ABCC11: variants seen among roughly 807,000 people sequenced by gnomAD.
ABCC11 encodes the protein ATP binding cassette subfamily C member 11.
In ABCC11, 135 loss-of-function variants were observed where a neutral mutation model predicts 149.3. The observed-to-expected ratio is 0.90, with a 90% CI of 0.79 to 1.04. ABCC11 has a LOEUF of 1.04. Ranked by LOEUF, ABCC11 falls within the 50% of genes least tolerant of loss-of-function variation. The pLI is 0.00. For missense variants in ABCC11, 1,680 were observed against 1,722.1 expected (o/e 0.98, Z 0.43); for synonymous variants, 665 against 671.4 (o/e 0.99, Z 0.15).
Position 48,170,912 on chromosome 16 carries a change from C to T in ABCC11, c.3754G>A (p.Glu1252Lys). ...ACGGCCTTGGTCAGGAATGTCCTCT[C>T]CAAGGCATCCCAGATCTGCTGGTCA... ...HTDQQIWDAL[E>K]RTFLTKAISK... Residue 1252 changes from glutamate to lysine, a missense_variant, in exon 27 of 30, where the codon GAG (glutamate) becomes AAG (lysine). Transcript: ENST00000356608. 6.2e-7 allele frequency: 1 copy of T among 1,614,032 alleles called. No homozygotes were observed. Among genetic ancestry groups the T allele is most frequent in the Admixed American group, 1.7e-5 (1 of 60,024 alleles).
Position 48,203,224 on chromosome 16 carries a change from T to C in ABCC11, c.1878+4A>G. ...CAGAGAAGGCAGGCTCGCCTCCCTC[T>C]CACCTCTGTCATGTCTCCAAAGGGC... is the stretch of plus-strand genomic sequence containing the variant. On this transcript the variant is annotated splice_donor_region_variant and intron_variant, in intron 14 of 29. Coordinates refer to ENST00000356608, the MANE Select transcript of ABCC11 (RefSeq NM_001370497.1). 1.9e-6 allele frequency: 3 copies of C among 1,569,102 alleles called. No individual in the cohort carries two copies. Among genetic ancestry groups the C allele is most frequent in the Non-Finnish European group, 2.6e-6 (3 of 1,155,922 alleles).
At chr16:48,224,008 C>T (rs776935538) in intron 5 of ABCC11, among the ~76,000 whole-genome samples, 6 of 152,126 alleles carry the variant, frequency 3.9e-5, no homozygotes, top group Non-Finnish European at 8.8e-5. Context: ...GAAACCAAGT[C>T]GCAGAGAATG....
At chr16:48,237,350 T>C (rs980649370) in intron 1 of ABCC11, among the ~76,000 whole-genome samples, 2 of 152,322 alleles carry the variant, frequency 1.3e-5, no homozygotes, top group Admixed American at 6.5e-5. Flanking sequence ...CAGGCCCTGG[T>C]GGCTTAGGCC....
At chr16:48,211,726 T>C (rs1295598299) in intron 10 of ABCC11, among the ~76,000 whole-genome samples, 1 of 152,126 alleles carries the variant, frequency 6.6e-6, no homozygotes, top group Non-Finnish European at 1.5e-5. Flanking sequence ...TAAAAAGCTC[T>C]GTCCGTGTCC....
At chr16:48,240,925 A>C (rs1457594082) in intron 1 of ABCC11, among the ~76,000 whole-genome samples, 1 of 151,920 alleles carries the variant, frequency 6.6e-6, no homozygotes, top group Non-Finnish European at 1.5e-5. Context: ...TCACATGGCC[A>C]CAGCATCACT....
intron 4 of ABCC11, among the ~76,000 whole-genome samples, chr16:48,224,840 T>A (rs1969967050): frequency 6.6e-6 from 1 of 152,084 alleles, no homozygotes; most frequent in African/African-American, 2.4e-5. Context: ...CTGGTCAACA[T>A]GGTGAAACCC....
chr16:48,203,529 G>A (rs988984175), intron 13 of ABCC11, among the ~76,000 whole-genome samples: 2 of 152,104 alleles, frequency 1.3e-5, no homozygotes, highest in African/African-American at 4.8e-5. Context: ...GCAATAAAAA[G>A]CAGTTCTCCT....
chr16:48,165,032 A>T (rs1027443199), downstream of ABCC11: 2 of 152,026 alleles, frequency 1.3e-5, no homozygotes, highest in Admixed American at 1.3e-4. Flanking sequence ...CCATCACCGC[A>T]TTTTTGGGAC....
chr16:48,225,693 G>A (rs974380347), intron 4 of ABCC11, among the ~76,000 whole-genome samples: 8 of 152,332 alleles, frequency 5.3e-5, no homozygotes, highest in African/African-American at 1.9e-4. Context: ...TTTTAGGAAT[G>A]TTGGTGGGGA....
In ABCC11 at chr16:48,196,252, T is replaced by C. The variant is rs1431696846; in HGVS notation, c.2384A>G (p.His795Arg). The change falls in exon 18 of 30, where the codon CAC becomes CGC. Residue 795 changes from histidine to arginine, a missense_variant. Physicochemically the swap from His to Arg is conservative, Grantham distance 29 (BLOSUM62 0). Coordinates refer to ENST00000356608, the MANE Select transcript of ABCC11 (RefSeq NM_001370497.1). ...CGTACCTCCAGCTGCCTGGATGTAG[T>C]GGTGGTAGACCCTCCAACTCAAGGA... ...EGSLSWRVYH[H>R]YIQAAGGYMV... The C allele has an allele frequency of 6.2e-7, 1 of 1,613,996 alleles. No individual in the cohort carries two copies.
rs1968375819 is a variant in ABCC11 at position 48,205,645 on chromosome 16, G to C, written c.1681-108C>G. ...CCCCACTGCCCTCCAGGACCTTGGG[G>C]GCTCTCCTAGGTAAAAGGGACTTTT... On this transcript the variant is annotated intron_variant, in intron 12 of 29. Coordinates refer to ENST00000356608, the MANE Select transcript of ABCC11 (RefSeq NM_001370497.1). The C allele has an allele frequency of 1.3e-5, 18 of 1,421,410 alleles. No homozygotes were observed. In the South Asian group the frequency reaches 2.4e-4, roughly 19 times the overall value. 88.0% of individuals were successfully genotyped at this position (1,421,410 alleles called of 1,614,324 possible). A position where few individuals can be genotyped will look rare whatever the true frequency, so the allele number is the denominator to read the frequency against.
chr16:48,239,344 C>T (rs1456720445), intron 1 of ABCC11, among the ~76,000 whole-genome samples: 2 of 152,016 alleles, frequency 1.3e-5, no homozygotes, highest in Non-Finnish European at 2.9e-5. Flanking sequence ...GGGCGGATCA[C>T]GAGGTCAGGA....
At position 48,214,108 on chromosome 16, in the gene ABCC11, A is replaced by G. The variant is rs562849444; in HGVS notation, c.1249-558T>C. 1.4e-4 allele frequency among the ~76,000 whole-genome samples: 22 copies of G among 152,178 alleles called. 1 individual carries two copies. In the South Asian group the frequency reaches 4.6e-3, roughly 32 times the overall value. On this transcript the variant is annotated intron_variant, in intron 9 of 29. Coordinates refer to ENST00000356608, the MANE Select transcript of ABCC11 (RefSeq NM_001370497.1). ...CTGGAGGTGCCGAAAGAACCTTCCA[A>G]TCCATACCCATCTCTCCTTCTTTCT...
At chr16:48,194,345 A>G (rs1967196707) in intron 18 of ABCC11, among the ~76,000 whole-genome samples, 1 of 152,200 alleles carries the variant, frequency 6.6e-6, no homozygotes, top group Non-Finnish European at 1.5e-5. Flanking sequence ...TGTTCTAGAG[A>G]AGTTAGTTCA....
chr16:48,235,552 T>G (rs1471206493), intron 1 of ABCC11, among the ~76,000 whole-genome samples: 2 of 152,216 alleles, frequency 1.3e-5, no homozygotes, highest in South Asian at 2.1e-4. Flanking sequence ...CAGCCACACA[T>G]TAGCTTGGGC....
chr16:48,228,611 A>AT (rs1194102169), intron 3 of ABCC11, among the ~76,000 whole-genome samples: 1 of 151,844 alleles, frequency 6.6e-6, no homozygotes, highest in Non-Finnish European at 1.5e-5. Flanking sequence ...GAAAAAAAAA[A>AT]CTCAGTATTT....
rs772610750 is a variant in ABCC11 at position 48,205,542 on chromosome 16, G to C, written c.1681-5C>G. 1 of 1,613,428 alleles carries C rather than the reference G, an allele frequency of 6.2e-7. No individual in the cohort carries two copies. Among genetic ancestry groups the C allele is most frequent in the African/African-American group, 1.3e-5 (1 of 75,036 alleles). ...CGAGCCCTCGAGCAAGTGCATCTGCGGCAGAATGAGTCCAGCCTCAGGACC... is the reference window on the plus strand; with the variant it reads ...CGAGCCCTCGAGCAAGTGCATCTGCCGCAGAATGAGTCCAGCCTCAGGACC... On this transcript the variant is annotated splice_polypyrimidine_tract_variant and splice_region_variant and intron_variant, in intron 12 of 29. Transcript: ENST00000356608.
chr16:48,172,077 C>T (rs1307407276), intron 26 of ABCC11, among the ~76,000 whole-genome samples: 1 of 152,216 alleles, frequency 6.6e-6, no homozygotes, highest in Non-Finnish European at 1.5e-5. Context: ...AACTTCTATT[C>T]TACTTTCCAT....
chr16:48,187,158 C>G (rs370716853), intron 21 of ABCC11, 43 bp downstream of exon 21: 6 of 1,613,496 alleles, frequency 3.7e-6, no homozygotes, highest in Non-Finnish European at 5.1e-6. Flanking sequence ...TGGGTTGGTC[C>G]CAGCCTTGCT....
Sources: gnomAD v4.1 joint callset for allele counts (sites outside exome capture counted in the v4.1 genomes callset) on GRCh38, gnomAD v4.1.1 for gene constraint, MANE v1.5 for transcripts, NCBI Gene and HGNC (gene_info 2026-07-23, HGNC 2026-07-21) for gene names.